The following MAGI1 variants were observed in gnomAD, a reference collection of about 807,000 sequenced individuals.
The protein encoded by MAGI1 is membrane associated guanylate kinase, WW and PDZ domain containing 1.
MAGI1 carries 58 observed loss-of-function variants against 139.9 expected under a neutral mutation model. The observed-to-expected ratio is 0.41, with a 90% CI of 0.34 to 0.52. The LOEUF (loss-of-function observed/expected upper bound fraction) is 0.52. MAGI1 is among the 20% of genes least tolerant of loss of function. The pLI, the probability that MAGI1 is intolerant of heterozygous loss-of-function variation, is 0.12. For missense variants in MAGI1, 1,874 were observed against 1,901.6 expected (o/e 0.99, Z 0.27); for synonymous variants, 812 against 737.9 (o/e 1.10, Z -1.63).
At chr3:65,368,196 A>C (rs575991062) in intron 18 of MAGI1, among the ~76,000 whole-genome samples, 12 of 152,340 alleles carry the variant, frequency 7.9e-5, no homozygotes, top group Admixed American at 2.0e-4. Context: ...AAACAAGAGT[A>C]TGAGTCTCCC....
intron 1 of MAGI1, among the ~76,000 whole-genome samples, chr3:65,801,423 C>T (rs2040505808): frequency 6.6e-6 from 1 of 152,128 alleles, no homozygotes; most frequent in African/African-American, 2.4e-5. Context: ...AATGTCCGGT[C>T]GCTTAAGTCT....
chr3:65,761,731 A>T (rs1470134137), intron 1 of MAGI1, among the ~76,000 whole-genome samples: 1 of 152,168 alleles, frequency 6.6e-6, no homozygotes, highest in Non-Finnish European at 1.5e-5. Context: ...CACAGAAAAC[A>T]GATGCCCATG....
intron 21 of MAGI1, 150 bp downstream of exon 21, chr3:65,363,315 A>G: frequency 1.1e-6 from 1 of 890,366 alleles, no homozygotes; most frequent in Non-Finnish European, 1.6e-6. Context: ...AGGCAGAAAT[A>G]TTTGGTAGGG....
intron 7 of MAGI1, among the ~76,000 whole-genome samples, 185 bp downstream of exon 7, chr3:65,447,837 G>A (rs554324740): frequency 1.2e-4 from 19 of 152,224 alleles, no homozygotes; most frequent in African/African-American, 3.1e-4. Flanking sequence ...CTACAACTCC[G>A]CGTGATGCCT....
At chr3:66,017,711 G>C (rs1265867106) in intron 1 of MAGI1, among the ~76,000 whole-genome samples, 2 of 152,132 alleles carry the variant, frequency 1.3e-5, no homozygotes, top group Non-Finnish European at 2.9e-5. Flanking sequence ...TGAGTAGAGA[G>C]GCACTAAATC....
intron 1 of MAGI1, among the ~76,000 whole-genome samples, chr3:65,788,046 T>C (rs905148604): frequency 1.3e-5 from 2 of 152,210 alleles, no homozygotes; most frequent in Non-Finnish European, 2.9e-5. Context: ...CCCCCACTTT[T>C]ACTAGACCTT....
intron 1 of MAGI1, among the ~76,000 whole-genome samples, chr3:66,030,564 T>C (rs1448239674): frequency 6.6e-6 from 1 of 152,178 alleles, no homozygotes; most frequent in African/African-American, 2.4e-5. Context: ...GAACAGGGAA[T>C]GACACGTGGC....
intron 2 of MAGI1, among the ~76,000 whole-genome samples, chr3:65,509,538 G>T (rs985873919): frequency 3.9e-5 from 6 of 152,178 alleles, no homozygotes; most frequent in Admixed American, 3.9e-4. Flanking sequence ...CAAAGAAAGG[G>T]GTGACGGACG....
At chr3:65,516,621 C>CT (rs1430264152) in intron 2 of MAGI1, among the ~76,000 whole-genome samples, 3 of 151,742 alleles carry the variant, frequency 2.0e-5, no homozygotes, top group Non-Finnish European at 4.4e-5. Flanking sequence ...TTTGTACTCT[C>CT]TTTTCCCCTA....
Position 65,677,725 on chromosome 3 carries a change from A to C in MAGI1, c.314-55637T>G, listed in dbSNP as rs566111523. 7.9e-5 allele frequency among the ~76,000 whole-genome samples: 12 copies of C among 152,334 alleles called. No individual in the cohort carries two copies. The South Asian group carries it at 2.5e-3, about 32-fold the overall frequency. On this transcript the variant is annotated intron_variant, in intron 1 of 22. Coordinates refer to ENST00000402939, the MANE Select transcript of MAGI1 (RefSeq NM_001033057.2). The stretch of plus-strand genomic sequence containing the variant: ...TCTCCCACTCTTTCGTATCCACGTC[A>C]AAGGTCAAACTCTTCATATGCCAAA...
At chr3:65,405,235 A>G (rs1013956681) in intron 12 of MAGI1, among the ~76,000 whole-genome samples, 2 of 152,192 alleles carry the variant, frequency 1.3e-5, no homozygotes, top group Non-Finnish European at 2.9e-5. Flanking sequence ...GGAAAAAACG[A>G]ATGGCAAATT....
rs1421288120 is a variant in MAGI1, at chr3:65,697,131, G to T, written c.314-75043C>A. Among the ~76,000 whole-genome samples, 2 of 152,014 alleles carry T rather than the reference G, an allele frequency of 1.3e-5. 1 individual carries two copies. The highest frequency in any genetic ancestry group is 4.8e-5 in the African/African-American group (2 of 41,392). On this transcript the variant is annotated intron_variant, in intron 1 of 22. Transcript: ENST00000402939. Reference sequence around the variant, plus strand: ...ATAAACTAGAAAATCTAGAAGAAATGGATAAATTCCTCAACACATACACTC... The same window carrying T: ...ATAAACTAGAAAATCTAGAAGAAATTGATAAATTCCTCAACACATACACTC...
chr3:65,468,892 T>C (rs1019555439), intron 5 of MAGI1, among the ~76,000 whole-genome samples: 2 of 151,200 alleles, frequency 1.3e-5, no homozygotes, highest in African/African-American at 2.4e-5. Flanking sequence ...GCTATGATCA[T>C]GCTACTGCAC....
At chr3:65,816,874 G>T (rs890221399) in intron 1 of MAGI1, among the ~76,000 whole-genome samples, 1 of 152,090 alleles carries the variant, frequency 6.6e-6, no homozygotes, top group African/African-American at 2.4e-5. Flanking sequence ...TGGGTCAAAA[G>T]AATCTCTTCT....
At chr3:65,401,590 G>C (rs924462173) in intron 12 of MAGI1, 120 bp from the exon 13 acceptor site, 3 of 1,552,520 alleles carry the variant, frequency 1.9e-6, no homozygotes, top group African/African-American at 2.7e-5. Flanking sequence ...GCAGAGTTAT[G>C]TCAGATTTCT....
chr3:65,363,398 C>T, intron 21 of MAGI1, 67 bp downstream of exon 21: 2 of 1,506,798 alleles, frequency 1.3e-6, no homozygotes, highest in Non-Finnish European at 1.8e-6. Context: ...ACATTCTAAC[C>T]ATATATGACA....
intron 2 of MAGI1, among the ~76,000 whole-genome samples, chr3:65,579,615 G>T (rs555714036): frequency 3.3e-5 from 5 of 152,176 alleles, no homozygotes; most frequent in African/African-American, 1.2e-4. Context: ...GGAGGCCAAG[G>T]CGGGTAGGTC....
intron 12 of MAGI1, among the ~76,000 whole-genome samples, chr3:65,411,996 C>T (rs1231895028): frequency 5.9e-5 from 9 of 152,120 alleles, no homozygotes; most frequent in East Asian, 1.9e-4. Flanking sequence ...TTATCCGCAC[C>T]GAGGCCAGAG....
intron 1 of MAGI1, among the ~76,000 whole-genome samples, chr3:66,034,279 G>A (rs1265481256): frequency 6.6e-6 from 1 of 151,732 alleles, no homozygotes; most frequent in Non-Finnish European, 1.5e-5. Context: ...GACCTCACTT[G>A]GAGACCTACT....
Sources: gnomAD v4.1 joint callset for allele counts (sites outside exome capture counted in the v4.1 genomes callset) on GRCh38, gnomAD v4.1.1 for gene constraint, MANE v1.5 for transcripts, NCBI Gene and HGNC (gene_info 2026-07-23, HGNC 2026-07-21) for gene names.